CCDC91: variants seen among roughly 807,000 people sequenced by gnomAD.
CCDC91 encodes the protein coiled-coil domain-containing protein 91.
In CCDC91, 48 loss-of-function variants were observed where a neutral mutation model predicts 63.2. The observed-to-expected ratio is 0.76, with a 90% CI of 0.60 to 0.97. The LOEUF (loss-of-function observed/expected upper bound fraction) is 0.97. Among genes scored for constraint, CCDC91 ranks in the 50% least tolerant of loss-of-function variants. CCDC91 has a pLI of 0.00. For missense variants in CCDC91, 500 were observed against 494.6 expected, an observed-to-expected ratio of 1.01 and a Z score of -0.10; for synonymous variants, 167 against 165.8, an observed-to-expected ratio of 1.01 and a Z score of -0.06.
chr12:28,416,467 A>G (rs990747310), intron 8 of CCDC91, among the ~76,000 whole-genome samples: 6 of 152,146 alleles, frequency 3.9e-5, no homozygotes, highest in Admixed American at 3.9e-4. Flanking sequence ...AATTAGGCTC[A>G]ACCCTGAATA....
intron 12 of CCDC91, among the ~76,000 whole-genome samples, chr12:28,535,391 C>T (rs1213157649): frequency 6.6e-6 from 1 of 152,172 alleles, no homozygotes; most frequent in Non-Finnish European, 1.5e-5. Flanking sequence ...CTTGATCCTT[C>T]CATTCCCTTG....
At chr12:28,411,578 C>T (rs1565930901) in intron 8 of CCDC91, among the ~76,000 whole-genome samples, 1 of 152,284 alleles carries the variant, frequency 6.6e-6, no homozygotes, top group South Asian at 2.1e-4. Context: ...CAGCTTTATA[C>T]AGAATTTACT....
intron 3 of CCDC91, among the ~76,000 whole-genome samples, chr12:28,269,767 T>G (rs1165666769): frequency 6.6e-6 from 1 of 152,188 alleles, no homozygotes; most frequent in East Asian, 1.9e-4. Context: ...GATATTCCTC[T>G]GAATATTTTG....
chr12:28,262,495 C>T (rs1478990777), intron 3 of CCDC91, among the ~76,000 whole-genome samples: 1 of 151,912 alleles, frequency 6.6e-6, no homozygotes, highest in Non-Finnish European at 1.5e-5. Flanking sequence ...TTCATAATAG[C>T]AACTGGGATA....
intron 11 of CCDC91, among the ~76,000 whole-genome samples, chr12:28,479,393 T>G (rs1951313833): frequency 6.6e-6 from 1 of 151,930 alleles, no homozygotes; most frequent in South Asian, 2.1e-4. Context: ...ATGTTCTCAC[T>G]CATAGGTAGG....
chr12:28,253,453 A>C (rs1347138022), intron 1 of CCDC91, among the ~76,000 whole-genome samples: 1 of 152,100 alleles, frequency 6.6e-6, no homozygotes, highest in Non-Finnish European at 1.5e-5. Flanking sequence ...GTGGTGATAA[A>C]TTGTAGGTTA....
At chr12:28,471,529 G>A (rs1485198157) in intron 11 of CCDC91, among the ~76,000 whole-genome samples, 2 of 152,146 alleles carry the variant, frequency 1.3e-5, no homozygotes, top group Non-Finnish European at 2.9e-5. Context: ...GACTGAGGGA[G>A]ATCTCAGAAT....
At chr12:28,389,816 G>A (rs904958626) in intron 7 of CCDC91, among the ~76,000 whole-genome samples, 1 of 151,958 alleles carries the variant, frequency 6.6e-6, no homozygotes, top group African/African-American at 2.4e-5. Context: ...TATTCTAAGG[G>A]AATTTTTTAT....
At chr12:28,436,348 C>T (rs1213334775) in intron 8 of CCDC91, among the ~76,000 whole-genome samples, 1 of 151,660 alleles carries the variant, frequency 6.6e-6, no homozygotes, top group Non-Finnish European at 1.5e-5. Flanking sequence ...GGATAGTATG[C>T]CATTTCACAG....
chr12:28,351,894 T>C (rs1943205073), intron 6 of CCDC91, among the ~76,000 whole-genome samples: 2 of 152,152 alleles, frequency 1.3e-5, no homozygotes, highest in African/African-American at 4.8e-5. Flanking sequence ...GTGAATCCTC[T>C]GAGTTAAGGG....
chr12:28,444,571 T>C (rs970392774), intron 8 of CCDC91, among the ~76,000 whole-genome samples: 1 of 152,098 alleles, frequency 6.6e-6, no homozygotes, highest in African/African-American at 2.4e-5. Context: ...AGCAAACTAA[T>C]GCAGGAATAG....
intron 12 of CCDC91, among the ~76,000 whole-genome samples, chr12:28,492,230 T>G (rs1952052839): frequency 6.6e-6 from 1 of 151,786 alleles, no homozygotes; most frequent in Non-Finnish European, 1.5e-5. Context: ...TTTTTCATTC[T>G]ATAAAGAAAT....
intron 1 of CCDC91, among the ~76,000 whole-genome samples, chr12:28,245,846 C>T (rs1945698759): frequency 6.6e-6 from 1 of 152,090 alleles, no homozygotes; most frequent in Admixed American, 6.5e-5. Context: ...TTGGAAAGTA[C>T]TTTTTCATTT....
chr12:28,232,294 C>T (rs1477474982), intron 1 of CCDC91, among the ~76,000 whole-genome samples: 2 of 152,072 alleles, frequency 1.3e-5, no homozygotes, highest in Non-Finnish European at 2.9e-5. Flanking sequence ...GTTTAGAGCA[C>T]AAGCCTCTTA....
At chr12:28,243,349 G>C (rs1218793903) in intron 1 of CCDC91, among the ~76,000 whole-genome samples, 1 of 152,182 alleles carries the variant, frequency 6.6e-6, no homozygotes, top group East Asian at 1.9e-4. Flanking sequence ...ACTGGAAACT[G>C]TGTCGAGTGT....
intron 3 of CCDC91, among the ~76,000 whole-genome samples, chr12:28,260,310 G>A (rs1946741248): frequency 6.6e-6 from 1 of 151,982 alleles, no homozygotes; most frequent in Admixed American, 6.6e-5. Context: ...TGTTTATACA[G>A]TTGATCTGTT....
At chr12:28,271,807 GTTA>G (rs1947783104) in intron 3 of CCDC91, among the ~76,000 whole-genome samples, 2 of 150,790 alleles carry the variant, frequency 1.3e-5, no homozygotes, top group South Asian at 2.1e-4. Context: ...TTATTCTTTT[GTTA>G]TTATGCTATT....
At chr12:28,529,854 C>G (rs1361891550) in intron 12 of CCDC91, among the ~76,000 whole-genome samples, 1 of 151,766 alleles carries the variant, frequency 6.6e-6, no homozygotes, top group Non-Finnish European at 1.5e-5. Flanking sequence ...TCATGCATAC[C>G]AAATCCCATA....
intron 8 of CCDC91, among the ~76,000 whole-genome samples, chr12:28,433,296 C>A (rs372439160): frequency 1.3e-5 from 2 of 151,836 alleles, no homozygotes; most frequent in East Asian, 3.8e-4. Context: ...CATTGCTGTA[C>A]TTAAGATCAT....
Sources: allele counts gnomAD v4.1 joint callset (sites outside exome capture counted in the v4.1 genomes callset), GRCh38; gene constraint gnomAD v4.1.1; transcripts MANE v1.5; gene names NCBI Gene and HGNC (gene_info 2026-07-23, HGNC 2026-07-21).